SORD: variants seen among roughly 807,000 people sequenced by gnomAD.
The protein encoded by SORD is (R,R)-butanediol dehydrogenase.
A neutral mutation model predicts 35.6 loss-of-function variants in SORD; 18 were observed. The ratio of observed to expected loss-of-function variants is 0.51; its 90% CI spans 0.35 to 0.75. The LOEUF (loss-of-function observed/expected upper bound fraction) is 0.75, where lower values mean the gene tolerates loss of function less well. Among genes scored for constraint, SORD ranks in the 30% least tolerant of loss-of-function variants. The pLI, the probability that SORD is intolerant of heterozygous loss-of-function variation, is 0.01. For synonymous variants in SORD, 106 were observed against 152.9 expected, an observed-to-expected ratio of 0.69 and a Z score of 2.26; for missense variants, 250 against 390.2, an observed-to-expected ratio of 0.64 and a Z score of 3.03.
At chr15:45,052,023 T>C (rs2437866) in intron 3 of SORD, among the ~76,000 whole-genome samples, 133,253 of 151,870 alleles carry the variant, frequency 0.88, 58,490 homozygotes, top group Middle Eastern at 0.92. Flanking sequence ...TTCAAAACAA[T>C]CCTTTATTTC....
chr15:45,070,702 T>G (rs1385668924), intron 7 of SORD: 1 of 152,252 alleles, frequency 6.6e-6, no homozygotes. Context: ...CTGGGCACTT[T>G]GAGGGCTAAG....
At chr15:45,035,678 A>C (rs1892853839) in intron 1 of SORD, among the ~76,000 whole-genome samples, 1 of 152,132 alleles carries the variant, frequency 6.6e-6, no homozygotes, top group Non-Finnish European at 1.5e-5. Context: ...TTTGCAATAC[A>C]TTTTGCTACT....
chr15:45,040,300 A>G, intron 1 of SORD, 108 bp from the exon 2 acceptor site: 1 of 789,822 alleles, frequency 1.3e-6, no homozygotes, highest in Non-Finnish European at 2.1e-6. Context: ...TGTTAATTCT[A>G]AGAAGAAATA....
intron 2 of SORD, among the ~76,000 whole-genome samples, chr15:45,041,498 T>C (rs1488593607): frequency 6.6e-6 from 1 of 152,104 alleles, no homozygotes; most frequent in Non-Finnish European, 1.5e-5. Flanking sequence ...CAAAGGCGGC[T>C]TTCCTGGTAG....
Position 45,065,283 on chromosome 15 carries a change from T to C in SORD, c.438T>C (p.Asn146=), listed in dbSNP as rs765174624. 26 of 1,613,578 alleles carry C rather than the reference T, an allele frequency of 1.6e-5. No individual in the cohort carries two copies. The South Asian group carries it at 1.6e-4, about 10-fold the overall frequency. The part of the protein sequence containing the change: ...NAAFCYKLPD[N]VTFEEGALIE... ...ATTGACTCCTCAGGCTTCCTGACAA[T>C]GTCACCTTTGAGGAAGGCGCCCTGA... is the stretch of plus-strand genomic sequence containing the variant. Residue 146 remains asparagine, a synonymous_variant, in exon 5 of 9, where the codon AAT becomes AAC. Transcript: ENST00000267814.
chr15:45,030,189 G>A (rs1228654620), intron 1 of SORD, among the ~76,000 whole-genome samples: 4 of 152,210 alleles, frequency 2.6e-5, no homozygotes, highest in Admixed American at 6.5e-5. Flanking sequence ...ACCCCTATCT[G>A]CCTAGGCATT....
chr15:45,046,273 CA>C (rs1893044351), intron 3 of SORD, among the ~76,000 whole-genome samples: 1 of 152,142 alleles, frequency 6.6e-6, no homozygotes, highest in Non-Finnish European at 1.5e-5. Context: ...GATGAAGTCT[CA>C]TTCTGTTGTC....
At chr15:45,031,372 G>C (rs1892783841) in intron 1 of SORD, among the ~76,000 whole-genome samples, 1 of 151,778 alleles carries the variant, frequency 6.6e-6, no homozygotes, top group Admixed American at 6.6e-5. Flanking sequence ...AGTAGCTCCA[G>C]AGACCAGCAC....
At chr15:45,046,065 A>G (rs1009128010) in intron 3 of SORD, among the ~76,000 whole-genome samples, 1 of 151,944 alleles carries the variant, frequency 6.6e-6, no homozygotes, top group Non-Finnish European at 1.5e-5. Context: ...TGTTATCATA[A>G]TATAATCATA....
At chr15:45,030,961 A>G (rs1022160265) in intron 1 of SORD, among the ~76,000 whole-genome samples, 2 of 152,242 alleles carry the variant, frequency 1.3e-5, no homozygotes, top group African/African-American at 2.4e-5. Flanking sequence ...CAATAACTCA[A>G]TGGCCAATTA....
chr15:45,039,520 C>T (rs397833828), intron 1 of SORD, among the ~76,000 whole-genome samples: 21 of 152,294 alleles, frequency 1.4e-4, no homozygotes, highest in East Asian at 5.8e-4. Context: ...TTTCCTAGCC[C>T]GTTGACAATG....
chr15:45,043,838 C>G (rs140834072), intron 3 of SORD, among the ~76,000 whole-genome samples: 60 of 151,306 alleles, frequency 4.0e-4, no homozygotes, highest in African/African-American at 1.4e-3. Context: ...GGCTGGGAAA[C>G]CACCATTATT....
At chr15:45,029,150 ATCTT>A (rs1327658706) in intron 1 of SORD, among the ~76,000 whole-genome samples, 4 of 152,278 alleles carry the variant, frequency 2.6e-5, no homozygotes, top group African/African-American at 7.2e-5. Flanking sequence ...CCAAAGAACC[ATCTT>A]TCTTGCTTTT....
chr15:45,036,525 C>G (rs769866610), intron 1 of SORD, among the ~76,000 whole-genome samples: 1 of 152,052 alleles, frequency 6.6e-6, no homozygotes, highest in Non-Finnish European at 1.5e-5. Context: ...AACTCCGTCT[C>G]TACCAAAAAT....
At chr15:45,057,723 C>T (rs1268811493) in intron 3 of SORD, among the ~76,000 whole-genome samples, 1 of 152,104 alleles carries the variant, frequency 6.6e-6, no homozygotes, top group Admixed American at 6.5e-5. Flanking sequence ...GCAGAGCTTG[C>T]AGTGAGCCCA....
chr15:45,069,091 G>A, intron 7 of SORD, 39 bp downstream of exon 7: 1 of 1,462,100 alleles, frequency 6.8e-7, no homozygotes. Context: ...ATCAGCATAG[G>A]GGAGTGAAGG....
At chr15:45,053,154 C>T (rs187554276) in intron 3 of SORD, among the ~76,000 whole-genome samples, 10 of 152,196 alleles carry the variant, frequency 6.6e-5, no homozygotes, top group South Asian at 2.1e-4. Context: ...CTGAGGTTGC[C>T]GCTGATGATG....
At chr15:45,035,101 A>G (rs1008386611) in intron 1 of SORD, among the ~76,000 whole-genome samples, 10 of 152,216 alleles carry the variant, frequency 6.6e-5, no homozygotes, top group Admixed American at 6.5e-4. Flanking sequence ...GCAGCCCGCC[A>G]TGCCTGACCC....
chr15:45,067,574 T>A (rs1893427249), intron 5 of SORD, among the ~76,000 whole-genome samples: 1 of 152,162 alleles, frequency 6.6e-6, no homozygotes, highest in African/African-American at 2.4e-5. Flanking sequence ...ATTCCGTGGG[T>A]CTGATTTTTA....
Sources: gnomAD v4.1 joint callset for allele counts (sites outside exome capture counted in the v4.1 genomes callset) on GRCh38, gnomAD v4.1.1 for gene constraint, MANE v1.5 for transcripts, NCBI Gene and HGNC (gene_info 2026-07-23, HGNC 2026-07-21) for gene names.